The following ERG variants were observed in gnomAD, a reference collection of about 807,000 sequenced individuals.
The protein encoded by ERG is transcriptional regulator ERG.
A neutral mutation model predicts 55.3 loss-of-function variants in ERG; 9 were observed. The ratio of observed to expected loss-of-function variants is 0.16; its 90% CI spans 0.10 to 0.28. The LOEUF (loss-of-function observed/expected upper bound fraction) is 0.28. Ranked by LOEUF, ERG falls within the 10% of genes least tolerant of loss-of-function variation. The pLI is 1.00. For missense variants in ERG, 434 were observed against 631.6 expected, an observed-to-expected ratio of 0.69 and a Z score of 3.35; for synonymous variants, 223 against 237.3, an observed-to-expected ratio of 0.94 and a Z score of 0.55.
upstream of ERG, among the ~76,000 whole-genome samples, chr21:38,586,572 T>C (rs1333394075): frequency 1.3e-5 from 2 of 152,062 alleles, no homozygotes; most frequent in African/African-American, 4.8e-5. Flanking sequence ...AGACAAGTGT[T>C]GGTGGGGATG....
chr21:38,445,524 CT>C lies in ERG; in HGVS notation c.115del (p.Ser39AlafsTer9). ...CATCTTGGAAGTCTGTCCATAGTCG[CT>C]GGAGGAGGACGCGGTCATCTCTGTC... ...AKTEMTASSS[S>X]DYGQTSKMSP... is the part of the protein sequence containing the mutation. On this transcript the variant is annotated frameshift_variant, in exon 2 of 10. Transcript: ENST00000288319. LOFTEE classifies it high-confidence loss of function. 4.3e-6 allele frequency: 7 copies of C among 1,614,112 alleles called. No individual in the cohort carries two copies. Among genetic ancestry groups the C allele is most frequent in the Non-Finnish European group, 5.9e-6 (7 of 1,180,016 alleles).
At position 38,402,426 on chromosome 21, in the gene ERG, C is replaced by T. The variant is rs2836372; in HGVS notation, c.673+131G>A. ...AGGCTGTGGTACATTCCTAAGTATC[C>T]GAAAGTATTCTGAATCATCTACCTG... On this transcript the variant is annotated intron_variant, in intron 5 of 9. Transcript: ENST00000288319. 8.8e-5 allele frequency: 59 copies of T among 669,318 alleles called. No homozygotes were observed. In the Middle Eastern group the frequency reaches 3.8e-3, roughly 43 times the overall value. 41.5% of individuals were successfully genotyped at this position (669,318 alleles called of 1,614,324 possible). A position where few individuals can be genotyped will look rare whatever the true frequency, so the allele number is the denominator to read the frequency against.
In ERG at chr21:38,537,440, AAATAT is replaced by A. The variant is rs2059719354; in HGVS notation, c.-41+38217_-41+38221del. Among the ~76,000 whole-genome samples, 3 of 85,128 alleles carry A rather than the reference AAATAT, an allele frequency of 3.5e-5. 1 individual carries two copies. Among genetic ancestry groups the A allele is most frequent in the African/African-American group, 1.6e-4 (3 of 18,296 alleles). 55.8% of individuals were successfully genotyped at this position (85,128 alleles called of 152,430 possible). A position where few individuals can be genotyped will look rare whatever the true frequency, so the allele number is the denominator to read the frequency against. ...ATAAGGGATTAATATCCAGAAAAAA[AAATAT>A]ATATATATATGTATATAACCTACAA... On this transcript the variant is annotated intron_variant, in intron 2 of 8. Coordinates refer to the ERG transcript ENST00000398897.
upstream of ERG, among the ~76,000 whole-genome samples, chr21:38,588,907 AT>A (rs1410468638): frequency 4.2e-5 from 6 of 142,784 alleles, no homozygotes; most frequent in Admixed American, 7.0e-5. Flanking sequence ...TAAAAAAAAA[AT>A]TTTGGAGACA....
intron 1 of ERG, among the ~76,000 whole-genome samples, chr21:38,482,258 G>A (rs1027685095): frequency 3.9e-5 from 6 of 152,194 alleles, no homozygotes; most frequent in African/African-American, 7.2e-5. Flanking sequence ...ATGGGTATAC[G>A]ACAAGGTGCC....
chr21:38,492,853 T>C (rs1231965544), intron 1 of ERG, among the ~76,000 whole-genome samples: 1 of 152,184 alleles, frequency 6.6e-6, no homozygotes, highest in Non-Finnish European at 1.5e-5. Context: ...AGTGGACCAC[T>C]AGCCAAAATG....
Position 38,536,941 on chromosome 21 carries a change from T to C in ERG, c.-41+38721A>G, listed in dbSNP as rs951934023. ...AAATTCAATGTGTCCTTGAAAGTTC[T>C]GGGGTCTAAGATATACAGGCCAATG... On this transcript the variant is annotated intron_variant, in intron 2 of 8. Transcript: ENST00000398897. 2.0e-5 allele frequency among the ~76,000 whole-genome samples: 3 copies of C among 152,324 alleles called. No homozygotes were observed. In the South Asian group the frequency reaches 6.2e-4, roughly 32 times the overall value.
intron 1 of ERG, among the ~76,000 whole-genome samples, chr21:38,595,587 A>C (rs1425112904): frequency 6.6e-6 from 1 of 152,162 alleles, no homozygotes; most frequent in Non-Finnish European, 1.5e-5. Context: ...TGCTGGGGCC[A>C]CCTCAGAGCA....
chr21:38,502,456 T>G (rs2032548836), upstream of ERG: 1 of 158,914 alleles, frequency 6.3e-6, no homozygotes, highest in African/African-American at 2.4e-5. Flanking sequence ...TGAAATGCAA[T>G]GGTGGCAGAC....
chr21:38,636,254 T>C (rs569407335), intron 1 of ERG, among the ~76,000 whole-genome samples: 3 of 152,326 alleles, frequency 2.0e-5, no homozygotes, highest in South Asian at 4.1e-4. Context: ...TAAACGTCTT[T>C]CCTTCATAAA....
Position 38,594,222 on chromosome 21 carries a change from G to A in ERG, c.-149-9277C>T, listed in dbSNP as rs373721334. Among the ~76,000 whole-genome samples the A allele has an allele frequency of 1.6e-3, 242 of 152,198 alleles. 1 individual carries two copies. The highest frequency in any genetic ancestry group is 4.5e-3 in the African/African-American group (187 of 41,514). On this transcript the variant is annotated intron_variant, in intron 1 of 10. Transcript: ENST00000398910. Reference sequence around the variant, plus strand: ...CACTGAGTTTTGACTGGTTTACAAGGATTGCACAAAGATCACCTCATTTGT... The same window carrying A: ...CACTGAGTTTTGACTGGTTTACAAGAATTGCACAAAGATCACCTCATTTGT...
chr21:38,414,277 G>T (rs1367715701), intron 3 of ERG, among the ~76,000 whole-genome samples: 1 of 152,118 alleles, frequency 6.6e-6, no homozygotes, highest in Non-Finnish European at 1.5e-5. Context: ...TTTGTGTAAG[G>T]ACACCAGTCA....
intron 1 of ERG, among the ~76,000 whole-genome samples, chr21:38,474,413 C>A (rs1441512878): frequency 6.6e-6 from 1 of 152,200 alleles, no homozygotes; most frequent in Non-Finnish European, 1.5e-5. Context: ...TGACCACAGG[C>A]AGCAGGGTCC....
At chr21:38,563,558 C>T (rs893066353) in intron 2 of ERG, among the ~76,000 whole-genome samples, 27 of 152,164 alleles carry the variant, frequency 1.8e-4, no homozygotes, top group Non-Finnish European at 3.8e-4. Flanking sequence ...TACAATCATA[C>T]CTAGAAAGGA....
intron 1 of ERG, among the ~76,000 whole-genome samples, chr21:38,651,349 A>C (rs572796894): frequency 7.9e-5 from 12 of 152,208 alleles, no homozygotes; most frequent in Non-Finnish European, 1.2e-4. Flanking sequence ...TCATTATATT[A>C]AATTTGAATT....
chr21:38,659,434 A>G (rs981411254), intron 1 of ERG, among the ~76,000 whole-genome samples: 4 of 152,068 alleles, frequency 2.6e-5, no homozygotes, highest in African/African-American at 4.8e-5. Context: ...GGGAGCGGGC[A>G]CCAGCCAATG....
At position 38,381,016 on chromosome 21, in the gene ERG, G is replaced by C; in HGVS notation, c.*2387C>G. ...GATTGTATTTATTTATTTTCCCTAA[G>C]GAGATACGGGCACTTTGTGGGCCTT... On this transcript the variant is annotated 3_prime_UTR_variant, in exon 10 of 10. Transcript: ENST00000288319. 1.9e-6 allele frequency: 2 copies of C among 1,064,448 alleles called. No homozygotes were observed. The highest frequency in any genetic ancestry group is 5.0e-5 in the East Asian group (1 of 19,964). 65.9% of individuals were successfully genotyped at this position (1,064,448 alleles called of 1,614,324 possible). A position where few individuals can be genotyped will look rare whatever the true frequency, so the allele number is the denominator to read the frequency against.
At chr21:38,473,017 G>A (rs1257659137) in intron 1 of ERG, among the ~76,000 whole-genome samples, 1 of 152,180 alleles carries the variant, frequency 6.6e-6, no homozygotes, top group African/African-American at 2.4e-5. Flanking sequence ...CAGGCAGCAG[G>A]CACTGCGGGG....
intron 1 of ERG, among the ~76,000 whole-genome samples, chr21:38,629,098 C>G (rs1307644999): frequency 1.3e-5 from 2 of 152,206 alleles, no homozygotes; most frequent in Non-Finnish European, 2.9e-5. Flanking sequence ...CCTGCAGCCC[C>G]TGGACAAGGG....
Sources: allele counts gnomAD v4.1 joint callset (sites outside exome capture counted in the v4.1 genomes callset), GRCh38; gene constraint gnomAD v4.1.1; transcripts MANE v1.5; gene names NCBI Gene and HGNC (gene_info 2026-07-23, HGNC 2026-07-21).